The following FILIP1L variants were observed in gnomAD, a reference collection of about 807,000 sequenced individuals.
The protein encoded by FILIP1L is filamin A-interacting protein 1-like.
In FILIP1L, 55 loss-of-function variants were observed where a neutral mutation model predicts 96.6. The ratio of observed to expected loss-of-function variants is 0.57; its 90% CI spans 0.46 to 0.71. The LOEUF is 0.71. FILIP1L is among the 30% of genes least tolerant of loss of function. The pLI is 0.00. For synonymous variants in FILIP1L, 467 were observed against 473.9 expected (o/e 0.99, Z 0.19); for missense variants, 1,304 against 1,321.2 (o/e 0.99, Z 0.20).
chr3:99,875,335 A>G (rs1320226940), intron 4 of FILIP1L, among the ~76,000 whole-genome samples: 1 of 152,214 alleles, frequency 6.6e-6, no homozygotes, highest in Non-Finnish European at 1.5e-5. Flanking sequence ...CAGTTACTCT[A>G]TAAGTTTTAC....
chr3:99,922,292 A>G lies in FILIP1L; in HGVS notation c.605+1938T>C, dbSNP rs115138090. Among the ~76,000 whole-genome samples, 998 of 152,328 alleles carry G rather than the reference A, an allele frequency of 6.6e-3. 2 individuals carry two copies. Among genetic ancestry groups the G allele is most frequent in the African/African-American group, 7.9e-3 (329 of 41,576 alleles). ...GGGGTTCAAAATAATGTTTAATATA[A>G]CATTGTCTCATTGAATAACAAATCT... is the stretch of plus-strand genomic sequence containing the variant. On this transcript the variant is annotated intron_variant, in intron 4 of 5. Transcript: ENST00000477258.
At chr3:99,934,637 T>C (rs939498761) in intron 1 of FILIP1L, among the ~76,000 whole-genome samples, 1 of 152,218 alleles carries the variant, frequency 6.6e-6, no homozygotes, top group African/African-American at 2.4e-5. Context: ...TTGCTAAACA[T>C]TGTTCATAAG....
intron 1 of FILIP1L, among the ~76,000 whole-genome samples, chr3:100,079,734 A>G (rs2065902773): frequency 6.6e-6 from 1 of 152,194 alleles, no homozygotes; most frequent in Non-Finnish European, 1.5e-5. Flanking sequence ...TTTAGAACAA[A>G]AATTAATCCC....
chr3:99,837,510 G>A (rs530605826), intron 5 of FILIP1L, among the ~76,000 whole-genome samples: 65 of 152,138 alleles, frequency 4.3e-4, no homozygotes, highest in African/African-American at 1.5e-3. Context: ...ACTTTGAGTT[G>A]TTTGAAGAGT....
intron 1 of FILIP1L, among the ~76,000 whole-genome samples, chr3:99,983,446 GTATATA>G (rs1442427209): frequency 1.5e-4 from 13 of 87,806 alleles, no homozygotes; most frequent in African/African-American, 6.0e-4. Context: ...ATATATGTAT[GTATATA>G]TATATATGTG....
At chr3:99,890,090 A>G (rs753857422) in intron 4 of FILIP1L, among the ~76,000 whole-genome samples, 2 of 151,968 alleles carry the variant, frequency 1.3e-5, no homozygotes, top group African/African-American at 2.4e-5. Flanking sequence ...TGCACACTGT[A>G]TTTATTTGAA....
At chr3:99,958,107 A>C (rs1708386237) in intron 1 of FILIP1L, among the ~76,000 whole-genome samples, 1 of 149,508 alleles carries the variant, frequency 6.7e-6, no homozygotes, top group Non-Finnish European at 1.5e-5. Context: ...TCCAGGATAC[A>C]TGTGCAGGAT....
chr3:99,960,873 C>A (rs950829528), intron 1 of FILIP1L, among the ~76,000 whole-genome samples: 1 of 152,080 alleles, frequency 6.6e-6, no homozygotes, highest in Non-Finnish European at 1.5e-5. Context: ...ATTGGTGTTT[C>A]TAAAGTAAAT....
intron 1 of FILIP1L, among the ~76,000 whole-genome samples, chr3:100,099,803 C>T (rs981481203): frequency 2.6e-5 from 4 of 152,144 alleles, no homozygotes; most frequent in Admixed American, 2.0e-4. Flanking sequence ...GAGAGCCAGA[C>T]ATTTGAACCA....
At chr3:99,909,839 G>A (rs1168114592) in intron 4 of FILIP1L, among the ~76,000 whole-genome samples, 2 of 152,174 alleles carry the variant, frequency 1.3e-5, no homozygotes, top group Non-Finnish European at 2.9e-5. Context: ...ATGGAGAGTA[G>A]GTGATGAAAG....
chr3:100,054,372 C>T (rs774515544), intron 1 of FILIP1L, among the ~76,000 whole-genome samples: 9 of 152,134 alleles, frequency 5.9e-5, no homozygotes, highest in Non-Finnish European at 1.0e-4. Context: ...AAAACCTAGG[C>T]CTACATTCTT....
intron 1 of FILIP1L, among the ~76,000 whole-genome samples, chr3:100,054,455 T>A (rs954514905): frequency 3.9e-5 from 6 of 152,082 alleles, no homozygotes; most frequent in African/African-American, 1.2e-4. Flanking sequence ...CATGAGCCAG[T>A]CTGACCTGCT....
chr3:99,981,445 C>T (rs1709121022), intron 1 of FILIP1L, among the ~76,000 whole-genome samples: 1 of 152,176 alleles, frequency 6.6e-6, no homozygotes, highest in Admixed American at 6.5e-5. Context: ...TCCTGTTTCT[C>T]TGGCCACTCT....
Position 99,966,620 on chromosome 3 carries a change from A to G in FILIP1L, c.-10-35590T>C, listed in dbSNP as rs532369601. On this transcript the variant is annotated intron_variant, in intron 1 of 5. Coordinates refer to ENST00000477258, the MANE Select transcript of FILIP1L (RefSeq NM_001387850.1). The stretch of plus-strand genomic sequence containing the variant: ...ACTCAGAACCCTTCGCTCTGTATAT[A>G]CAGTTTGATTTAAGATGCCACATTT... Among the ~76,000 whole-genome samples the G allele has an allele frequency of 2.4e-4, 37 of 152,318 alleles. 1 individual carries two copies. The South Asian group carries it at 7.0e-3, about 29-fold the overall frequency.
At chr3:99,971,632 G>C (rs1382197776) in intron 1 of FILIP1L, among the ~76,000 whole-genome samples, 1 of 152,188 alleles carries the variant, frequency 6.6e-6, no homozygotes, top group Non-Finnish European at 1.5e-5. Flanking sequence ...TGGTACCAGA[G>C]TATAGGGACA....
At chr3:99,864,913 C>A (rs1321332980) in intron 4 of FILIP1L, among the ~76,000 whole-genome samples, 1 of 152,048 alleles carries the variant, frequency 6.6e-6, no homozygotes, top group Non-Finnish European at 1.5e-5. Context: ...TGTGTATGTG[C>A]GCACACACGC....
intron 1 of FILIP1L, among the ~76,000 whole-genome samples, chr3:99,967,306 A>G (rs1383796930): frequency 3.9e-5 from 6 of 152,232 alleles, no homozygotes; most frequent in Admixed American, 2.0e-4. Context: ...TAGTGTTGGT[A>G]ATAATGCCTT....
At chr3:99,899,441 A>G (rs1013124679) in intron 4 of FILIP1L, among the ~76,000 whole-genome samples, 6 of 152,214 alleles carry the variant, frequency 3.9e-5, no homozygotes, top group African/African-American at 1.4e-4. Flanking sequence ...TTCTACCTAA[A>G]TCTTTTTACA....
intron 4 of FILIP1L, among the ~76,000 whole-genome samples, chr3:99,864,171 G>A (rs1559665719): frequency 6.6e-6 from 1 of 152,170 alleles, no homozygotes; most frequent in Non-Finnish European, 1.5e-5. Flanking sequence ...CAGCTTGAGT[G>A]TTGTATATCT....
Sources: gnomAD v4.1 joint callset for allele counts (sites outside exome capture counted in the v4.1 genomes callset) on GRCh38, gnomAD v4.1.1 for gene constraint, MANE v1.5 for transcripts, NCBI Gene and HGNC (gene_info 2026-07-23, HGNC 2026-07-21) for gene names.